Variants in LRRC7 observed in about 807,000 individuals in gnomAD.
LRRC7 encodes the protein leucine-rich repeat-containing protein 7.
Under a neutral mutation model 175.7 loss-of-function variants are expected in LRRC7, and 23 were observed. The ratio of observed to expected loss-of-function variants is 0.13; its 90% CI spans 0.09 to 0.19. The LOEUF (loss-of-function observed/expected upper bound fraction) is 0.19. Ranked by LOEUF, LRRC7 falls within the 10% of genes least tolerant of loss-of-function variation. The pLI is 1.00. For synonymous variants in LRRC7, 685 were observed against 680.9 expected (o/e 1.01, Z -0.09); for missense variants, 1,354 against 1,904.7 (o/e 0.71, Z 5.38).
At chr1:69,684,591 G>A (rs1660891805) in intron 2 of LRRC7, among the ~76,000 whole-genome samples, 1 of 152,122 alleles carries the variant, frequency 6.6e-6, no homozygotes, top group East Asian at 1.9e-4. Context: ...GACTCTGAAA[G>A]CTTCAGAGAA....
intron 1 of LRRC7, among the ~76,000 whole-genome samples, chr1:69,578,795 G>C (rs1338956122): frequency 1.0e-4 from 11 of 109,286 alleles, no homozygotes; most frequent in Admixed American, 8.2e-4. Context: ...ACTGTTGTGG[G>C]GTGGGGGGAG....
chr1:69,735,744 A>G (rs1668042555), intron 2 of LRRC7, among the ~76,000 whole-genome samples: 1 of 151,992 alleles, frequency 6.6e-6, no homozygotes, highest in Non-Finnish European at 1.5e-5. Flanking sequence ...TCTACATGGT[A>G]TTAGCATTCT....
At chr1:69,924,021 G>A (rs1451068717) in intron 7 of LRRC7, among the ~76,000 whole-genome samples, 2 of 152,016 alleles carry the variant, frequency 1.3e-5, no homozygotes, top group Non-Finnish European at 2.9e-5. Flanking sequence ...TTCTACATAT[G>A]GCTAGCCAGT....
intron 7 of LRRC7, among the ~76,000 whole-genome samples, chr1:69,868,052 C>T (rs138416459): frequency 6.4e-4 from 98 of 152,138 alleles, no homozygotes; most frequent in African/African-American, 2.2e-3. Context: ...TATTATTTTA[C>T]GCCCAGAACA....
At chr1:69,717,842 A>AAAGAAAG (rs1665683600) in intron 2 of LRRC7, among the ~76,000 whole-genome samples, 1 of 16,054 alleles carries the variant, frequency 6.2e-5, no homozygotes, top group Non-Finnish European at 1.0e-4. Flanking sequence ...AAGAAAGAAA[A>AAAGAAAG]AAGAAAGAAA....
At chr1:69,916,075 T>TAA (rs1646683741) in intron 7 of LRRC7, among the ~76,000 whole-genome samples, 1 of 110,690 alleles carries the variant, frequency 9.0e-6, no homozygotes, top group Non-Finnish European at 1.9e-5. Flanking sequence ...TTTATATATA[T>TAA]AATATATATA....
At chr1:70,116,559 A>AAC in intron 26 of LRRC7, among the ~76,000 whole-genome samples, 1 of 151,994 alleles carries the variant, frequency 6.6e-6, no homozygotes, top group African/African-American at 2.4e-5. Flanking sequence ...AAAAAAAAAA[A>AAC]AAAAAACACA....
At chr1:69,574,354 G>C (rs1012488816) in intron 1 of LRRC7, among the ~76,000 whole-genome samples, 3 of 152,052 alleles carry the variant, frequency 2.0e-5, no homozygotes, top group Admixed American at 2.0e-4. Flanking sequence ...AATTGGAAAA[G>C]AGCTGCTAGA....
intron 3 of LRRC7, among the ~76,000 whole-genome samples, chr1:69,782,375 G>A (rs576995637): frequency 2.0e-5 from 3 of 152,280 alleles, no homozygotes; most frequent in South Asian, 2.1e-4. Context: ...AGGTATAACC[G>A]TACAGAACAC....
intron 1 of LRRC7, among the ~76,000 whole-genome samples, chr1:69,589,984 A>G (rs1271745237): frequency 6.6e-6 from 1 of 152,200 alleles, no homozygotes; most frequent in Non-Finnish European, 1.5e-5. Flanking sequence ...TTCAAGCCTG[A>G]GCAATAGCTT....
intron 1 of LRRC7, among the ~76,000 whole-genome samples, chr1:69,604,799 G>A (rs1181766192): frequency 6.6e-6 from 1 of 152,004 alleles, no homozygotes; most frequent in Non-Finnish European, 1.5e-5. Flanking sequence ...AGATTTGTAA[G>A]ATAAGAAAAT....
At position 69,568,062 on chromosome 1, in the gene LRRC7, A is replaced by G. The variant is rs1646399153; in HGVS notation, c.-578A>G. Among the ~76,000 whole-genome samples the G allele has an allele frequency of 6.6e-6, 1 of 151,974 alleles. No homozygotes were observed. Among genetic ancestry groups the G allele is most frequent in the African/African-American group, 2.4e-5 (1 of 41,388 alleles). ...GGACCTGCAGCCGCCCACTCGGGCC[A>G]CCGCCACCGCCTCCTGCAGTTGCGG... is the stretch of plus-strand genomic sequence containing the variant. On this transcript the variant is annotated 5_prime_UTR_variant, in exon 1 of 27. Transcript: ENST00000651989.
rs545748746 is a variant in LRRC7 at position 69,754,585 on chromosome 1, T to C, written c.101-5606T>C. On this transcript the variant is annotated intron_variant, in intron 2 of 26. Transcript: ENST00000651989. ...TACAACTTGAAGATACAATTTTAAG[T>C]GTTTTGTATGTATTCTAGTATTTTA... Among the ~76,000 whole-genome samples, 3 of 152,100 alleles carry C rather than the reference T, an allele frequency of 2.0e-5. No homozygotes were observed. The South Asian group carries it at 6.2e-4, about 32-fold the overall frequency.
intron 2 of LRRC7, among the ~76,000 whole-genome samples, chr1:69,731,237 G>T (rs1667545250): frequency 6.6e-6 from 1 of 152,122 alleles, no homozygotes; most frequent in East Asian, 1.9e-4. Context: ...GGGAGGCTGA[G>T]CTTGCAGTGA....
intron 2 of LRRC7, among the ~76,000 whole-genome samples, chr1:69,710,225 G>A (rs1664583124): frequency 7.4e-6 from 1 of 134,628 alleles, no homozygotes; most frequent in African/African-American, 2.8e-5. Context: ...GTTGCAGTGA[G>A]CCAAGATCAC....
intron 8 of LRRC7, among the ~76,000 whole-genome samples, chr1:69,951,231 C>T (rs1171520470): frequency 1.3e-5 from 2 of 151,704 alleles, no homozygotes; most frequent in Non-Finnish European, 2.9e-5. Flanking sequence ...TCAAAACCAC[C>T]CTGAGATACC....
chr1:69,800,748 A>C (rs973671001), intron 4 of LRRC7, among the ~76,000 whole-genome samples: 27 of 151,664 alleles, frequency 1.8e-4, no homozygotes, highest in African/African-American at 6.3e-4. Context: ...TTGGTTGAAT[A>C]CTCTGGCTAG....
intron 2 of LRRC7, among the ~76,000 whole-genome samples, chr1:69,743,760 T>A (rs1390454984): frequency 6.6e-6 from 1 of 151,860 alleles, no homozygotes; most frequent in Non-Finnish European, 1.5e-5. Flanking sequence ...TAAACATTGT[T>A]ACAAGTTTAA....
chr1:69,738,332 G>A (rs1176889129), intron 2 of LRRC7, among the ~76,000 whole-genome samples: 6 of 152,042 alleles, frequency 3.9e-5, no homozygotes, highest in Non-Finnish European at 7.4e-5. Context: ...CCATGGTCTT[G>A]CCTTCTTATC....
Sources: allele counts gnomAD v4.1 joint callset (sites outside exome capture counted in the v4.1 genomes callset), GRCh38; gene constraint gnomAD v4.1.1; transcripts MANE v1.5; gene names NCBI Gene and HGNC (gene_info 2026-07-23, HGNC 2026-07-21).